EGFR: variants seen among roughly 807,000 people sequenced by gnomAD.
The protein encoded by EGFR is avian erythroblastic leukemia viral (v-erb-b) oncogene homolog.
A neutral mutation model predicts 143.0 loss-of-function variants in EGFR; 58 were observed. That is an observed-to-expected ratio of 0.41 (90% CI 0.33 to 0.50). EGFR has a LOEUF of 0.50. Ranked by LOEUF, EGFR falls within the 20% of genes least tolerant of loss-of-function variation. The pLI is 0.39. For synonymous variants in EGFR, 613 were observed against 594.4 expected, an observed-to-expected ratio of 1.03 and a Z score of -0.45; for missense variants, 1,307 against 1,579.0, an observed-to-expected ratio of 0.83 and a Z score of 2.92.
At chr7:55,154,216 G>A (rs1021704270) in intron 7 of EGFR, 64 bp downstream of exon 7, 5 of 1,610,980 alleles carry the variant, frequency 3.1e-6, no homozygotes, top group Admixed American at 1.7e-5. Flanking sequence ...GTCTCCTGCT[G>A]AGCCCTGGAG....
At chr7:55,040,105 T>A (rs1006554309) in intron 1 of EGFR, among the ~76,000 whole-genome samples, 3 of 152,152 alleles carry the variant, frequency 2.0e-5, no homozygotes, top group African/African-American at 7.2e-5. Context: ...AGTTGAGTCT[T>A]GTTCCAACAA....
chr7:55,152,456 A>G (rs866386005), intron 5 of EGFR, 90 bp from the exon 6 acceptor site: 2 of 1,201,740 alleles, frequency 1.7e-6, no homozygotes, highest in East Asian at 4.6e-5. Context: ...TCACTTTTTC[A>G]TGAAAAAGTC....
chr7:55,158,202 C>T (rs1484862513), intron 11 of EGFR, among the ~76,000 whole-genome samples: 3 of 152,172 alleles, frequency 2.0e-5, no homozygotes, highest in Non-Finnish European at 4.4e-5. Flanking sequence ...ACCAGAGAGA[C>T]TTTTTAGCAC....
chr7:55,169,715 T>C (rs555583059), intron 15 of EGFR, among the ~76,000 whole-genome samples: 1 of 152,276 alleles, frequency 6.6e-6, no homozygotes, highest in Admixed American at 6.5e-5. Flanking sequence ...CCTCGCCTTC[T>C]GACGCTCTCA....
chr7:55,163,522 T>C lies in EGFR; in HGVS notation c.1632-211T>C, dbSNP rs967271000. Among the ~76,000 whole-genome samples the C allele has an allele frequency of 5.3e-5, 8 of 152,316 alleles. No individual in the cohort carries two copies. In the South Asian group the frequency reaches 1.5e-3, roughly 28 times the overall value. Reference sequence around the variant, plus strand: ...TGCTGTAGAAAAAGCAGAAAAGATATCTTGATTATGAATGAAGCTCCTGTG... The same window carrying C: ...TGCTGTAGAAAAAGCAGAAAAGATACCTTGATTATGAATGAAGCTCCTGTG... On this transcript the variant is annotated intron_variant, in intron 13 of 27. Transcript: ENST00000275493.
In EGFR at chr7:55,205,814, C is replaced by A; in HGVS notation, c.*197C>A. The stretch of plus-strand genomic sequence containing the variant: ...TTGGGAAGTTGCATTCCTTTGTCTT[C>A]AAACTGTGAAGCATTTACAGAAACG... On this transcript the variant is annotated 3_prime_UTR_variant, in exon 28 of 28. Coordinates refer to ENST00000275493, the MANE Select transcript of EGFR (RefSeq NM_005228.5). The A allele has an allele frequency of 1.4e-6, 1 of 718,588 alleles. No homozygotes were observed. The highest frequency in any genetic ancestry group is 3.9e-4 in the Middle Eastern group (1 of 2,540). 44.5% of individuals were successfully genotyped at this position (718,588 alleles called of 1,614,324 possible). A position where few individuals can be genotyped will look rare whatever the true frequency, so the allele number is the denominator to read the frequency against.
At chr7:55,203,742 A>T (rs1787978163) in intron 27 of EGFR, among the ~76,000 whole-genome samples, 1 of 150,346 alleles carries the variant, frequency 6.7e-6, no homozygotes. Flanking sequence ...CACACCACAG[A>T]AACACACATT....
At chr7:55,163,697 G>T in intron 13 of EGFR, 36 bp from the exon 14 acceptor site, 1 of 1,575,408 alleles carries the variant, frequency 6.3e-7, no homozygotes. Flanking sequence ...TAATGTCTCA[G>T]GGGTGGGCTG....
rs1038584413 is a variant in EGFR, at chr7:55,211,169, T to C, written c.*5552T>C. The C allele has an allele frequency of 6.6e-6, 1 of 152,180 alleles. No individual in the cohort carries two copies. The highest frequency in any genetic ancestry group is 2.4e-5 in the African/African-American group (1 of 41,454). 9.4% of individuals were successfully genotyped at this position (152,180 alleles called of 1,614,324 possible). The stretch of plus-strand genomic sequence containing the variant: ...CACTAAGAAGCTCCACCCTATCACC[T>C]AGCAGATAAAACTATGGGGAAAACT... On this transcript the variant is annotated 3_prime_UTR_variant, in exon 28 of 28. Coordinates refer to ENST00000275493, the MANE Select transcript of EGFR (RefSeq NM_005228.5).
chr7:55,031,244 G>C (rs1019593660), intron 1 of EGFR, among the ~76,000 whole-genome samples: 1 of 152,220 alleles, frequency 6.6e-6, no homozygotes, highest in Non-Finnish European at 1.5e-5. Context: ...TGTTGAATAA[G>C]TAAACCCTTC....
chr7:55,046,325 G>A (rs188956873), intron 1 of EGFR, among the ~76,000 whole-genome samples: 1 of 152,274 alleles, frequency 6.6e-6, no homozygotes, highest in Non-Finnish European at 1.5e-5. Flanking sequence ...CTAGGGAAAT[G>A]TGAATTCAGT....
intron 1 of EGFR, among the ~76,000 whole-genome samples, chr7:55,106,283 C>A (rs897389011): frequency 7.2e-5 from 11 of 152,218 alleles, no homozygotes; most frequent in Admixed American, 6.5e-4. Context: ...GAACAGTGTG[C>A]GTCCAGGTGT....
Position 55,206,688 on chromosome 7 carries a change from GGAA to G in EGFR, c.*1074_*1076del, listed in dbSNP as rs1415919979. 2 of 233,150 alleles carry G rather than the reference GGAA, an allele frequency of 8.6e-6. No homozygotes were observed. Among genetic ancestry groups the G allele is most frequent in the African/African-American group, 4.4e-5 (2 of 45,376 alleles). The allele number at this position is 233,150 out of a possible 1,614,324, so 14.4% of individuals were successfully genotyped here. On this transcript the variant is annotated 3_prime_UTR_variant, in exon 28 of 28. Coordinates refer to ENST00000275493, the MANE Select transcript of EGFR (RefSeq NM_005228.5). Reference sequence around the variant, plus strand: ...CCCAAAATTAGTTTGTGTTACTTATGGAAGATAGTTTTCTCCTTTTACTTCACT... The same window carrying G: ...CCCAAAATTAGTTTGTGTTACTTATGGATAGTTTTCTCCTTTTACTTCACT...
chr7:55,064,113 C>G (rs1480950349), intron 1 of EGFR, among the ~76,000 whole-genome samples: 10 of 152,140 alleles, frequency 6.6e-5, no homozygotes, highest in African/African-American at 2.4e-4. Context: ...CAAAATAATA[C>G]ATTTCCTTAA....
At chr7:55,078,649 G>A (rs1477026965) in intron 1 of EGFR, among the ~76,000 whole-genome samples, 1 of 152,198 alleles carries the variant, frequency 6.6e-6, no homozygotes, top group African/African-American at 2.4e-5. Flanking sequence ...TCGAGTTACT[G>A]CCCATGCAGA....
rs189634182 is a variant in EGFR at position 55,088,111 on chromosome 7, C to T, written c.89-54175C>T. On this transcript the variant is annotated intron_variant, in intron 1 of 27. Transcript: ENST00000275493. The stretch of plus-strand genomic sequence containing the variant: ...CTTCTTTGGCATCTACCACACCTGC[C>T]CCAGTGCCCATTTCTCTCCCACCTG... Among the ~76,000 whole-genome samples the T allele has an allele frequency of 6.6e-5, 10 of 152,246 alleles. No homozygotes were observed. The East Asian group carries it at 1.9e-3, about 29-fold the overall frequency.
rs574283992 is a variant in EGFR at position 55,077,256 on chromosome 7, A to T, written c.88+57891A>T. Among the ~76,000 whole-genome samples, 10 of 152,298 alleles carry T rather than the reference A, an allele frequency of 6.6e-5. No homozygotes were observed. The East Asian group carries it at 1.9e-3, about 29-fold the overall frequency. ...CTGGGTGTGGTATTTTTAAACTGAG[A>T]CATCAGTGTGCCTAGCACAGGGCCT... On this transcript the variant is annotated intron_variant, in intron 1 of 27. Transcript: ENST00000275493.
At chr7:55,152,513 T>G (rs752638444) in intron 5 of EGFR, 33 bp from the exon 6 acceptor site, 27 of 1,590,770 alleles carry the variant, frequency 1.7e-5, no homozygotes, top group African/African-American at 4.0e-5. Flanking sequence ...ACCCTCACTC[T>G]TCAGCTCACA....
chr7:55,158,381 A>G (rs538990225), intron 11 of EGFR, among the ~76,000 whole-genome samples: 49 of 152,306 alleles, frequency 3.2e-4, no homozygotes, highest in African/African-American at 1.2e-3. Flanking sequence ...CGTTATGAGA[A>G]CTGCTGCCCC....
Sources: allele counts gnomAD v4.1 joint callset (sites outside exome capture counted in the v4.1 genomes callset), GRCh38; gene constraint gnomAD v4.1.1; transcripts MANE v1.5; gene names NCBI Gene and HGNC (gene_info 2026-07-23, HGNC 2026-07-21).